Variants in GRID1 observed in about 807,000 individuals in gnomAD.
The protein encoded by GRID1 is glutamate ionotropic receptor delta type subunit 1.
A neutral mutation model predicts 98.0 loss-of-function variants in GRID1; 28 were observed. The ratio of observed to expected loss-of-function variants is 0.29; its 90% CI spans 0.21 to 0.39. GRID1 has a LOEUF of 0.39. Among genes scored for constraint, GRID1 ranks in the 10% least tolerant of loss-of-function variants. GRID1 has a pLI of 1.00. For missense variants in GRID1, 1,111 were observed against 1,340.5 expected (o/e 0.83, Z 2.67); for synonymous variants, 553 against 538.5 (o/e 1.03, Z -0.37).
chr10:85,759,886 A>G (rs1842131568), intron 8 of GRID1, among the ~76,000 whole-genome samples: 2 of 152,214 alleles, frequency 1.3e-5, no homozygotes, highest in African/African-American at 4.8e-5. Context: ...TAATACAGCA[A>G]AAGTATCTTC....
intron 4 of GRID1, among the ~76,000 whole-genome samples, chr10:86,044,708 A>G (rs1843397042): frequency 6.6e-6 from 1 of 152,202 alleles, no homozygotes; most frequent in Admixed American, 6.5e-5. Context: ...GAAGAGAGCA[A>G]CATGAGTGAT....
In GRID1 at chr10:86,262,955, A is replaced by G. The variant is rs550633751; in HGVS notation, c.236-56307T>C. On this transcript the variant is annotated intron_variant, in intron 2 of 15. Coordinates refer to ENST00000327946, the MANE Select transcript of GRID1 (RefSeq NM_017551.3). ...CCCGCCCTCCCTCCCCCGAGAGCATAGGCTGCGTTTGTGGGAAACCAGGGC... is the reference window on the plus strand; with the variant it reads ...CCCGCCCTCCCTCCCCCGAGAGCATGGGCTGCGTTTGTGGGAAACCAGGGC... 4.0e-5 allele frequency among the ~76,000 whole-genome samples: 6 copies of G among 149,520 alleles called. No individual in the cohort carries two copies. In the South Asian group the frequency reaches 1.3e-3, roughly 32 times the overall value.
intron 13 of GRID1, among the ~76,000 whole-genome samples, chr10:85,623,269 G>T (rs1216468889): frequency 6.6e-6 from 1 of 152,132 alleles, no homozygotes; most frequent in South Asian, 2.1e-4. Flanking sequence ...GAGACATAAG[G>T]CTTCTTAGGT....
At chr10:86,193,006 G>A (rs1253212725) in intron 3 of GRID1, among the ~76,000 whole-genome samples, 4 of 152,072 alleles carry the variant, frequency 2.6e-5, no homozygotes, top group African/African-American at 7.2e-5. Flanking sequence ...GAAGACAGAA[G>A]AGAAGGTGAG....
chr10:86,267,711 A>T (rs1847125886), intron 2 of GRID1, among the ~76,000 whole-genome samples: 1 of 152,158 alleles, frequency 6.6e-6, no homozygotes, highest in Non-Finnish European at 1.5e-5. Context: ...CATCCCACCC[A>T]CAATGAAGAA....
chr10:86,118,756 T>C (rs569697463), intron 4 of GRID1, among the ~76,000 whole-genome samples: 166 of 152,340 alleles, frequency 1.1e-3, no homozygotes, highest in African/African-American at 3.8e-3. Flanking sequence ...GTAAGTACCC[T>C]TGACATGGTG....
chr10:85,777,092 C>T (rs574064393), intron 8 of GRID1, among the ~76,000 whole-genome samples: 1 of 152,318 alleles, frequency 6.6e-6, no homozygotes, highest in Admixed American at 6.5e-5. Context: ...AAACCTCCAC[C>T]TTCCTCTCTA....
intron 3 of GRID1, among the ~76,000 whole-genome samples, chr10:86,177,215 T>G (rs1281237829): frequency 6.6e-6 from 1 of 152,008 alleles, no homozygotes; most frequent in African/African-American, 2.4e-5. Flanking sequence ...TCCTGAGAAC[T>G]TACTTGCCTT....
At chr10:86,301,473 C>T (rs1283338489) in intron 2 of GRID1, among the ~76,000 whole-genome samples, 1 of 152,260 alleles carries the variant, frequency 6.6e-6, no homozygotes, top group Non-Finnish European at 1.5e-5. Flanking sequence ...ATGTGCTTTT[C>T]TCTCCATCTC....
In GRID1 at chr10:85,717,991, T is replaced by A. The variant is rs183891911; in HGVS notation, c.1997+5012A>T. ...AAGACACACTGATGCAAAAGGTTGG[T>A]TTCCATGGTCTTGGGCAACTCCGCC... is the stretch of plus-strand genomic sequence containing the variant. On this transcript the variant is annotated intron_variant, in intron 12 of 15. Coordinates refer to ENST00000327946, the MANE Select transcript of GRID1 (RefSeq NM_017551.3). Among the ~76,000 whole-genome samples the A allele has an allele frequency of 3.9e-5, 6 of 152,318 alleles. No individual in the cohort carries two copies. The East Asian group carries it at 1.2e-3, about 29-fold the overall frequency.
chr10:86,243,487 A>G (rs940226412), intron 2 of GRID1, among the ~76,000 whole-genome samples: 2 of 152,146 alleles, frequency 1.3e-5, no homozygotes, highest in African/African-American at 4.8e-5. Context: ...AGCTCCTCAT[A>G]ACCACCCTGT....
chr10:86,362,948 A>T (rs1277978930), intron 2 of GRID1, among the ~76,000 whole-genome samples: 1 of 152,194 alleles, frequency 6.6e-6, no homozygotes, highest in African/African-American at 2.4e-5. Flanking sequence ...TGCGCCACTA[A>T]CTTGCCCCAG....
chr10:86,007,714 AC>A (rs1842879426), intron 4 of GRID1, among the ~76,000 whole-genome samples: 2 of 152,124 alleles, frequency 1.3e-5, no homozygotes, highest in African/African-American at 4.8e-5. Flanking sequence ...GGGCTCCAAC[AC>A]CCCTCTGGCC....
intron 13 of GRID1, among the ~76,000 whole-genome samples, chr10:85,632,014 C>CAA (rs56099800): frequency 6.7e-6 from 1 of 149,336 alleles, no homozygotes; most frequent in African/African-American, 2.5e-5. Flanking sequence ...CACACACACA[C>CAA]AAGAATGTAA....
chr10:85,958,971 AAG>A (rs535878667), intron 4 of GRID1, among the ~76,000 whole-genome samples: 6,941 of 146,550 alleles, frequency 0.047, 177 homozygotes, highest in Middle Eastern at 0.096. Flanking sequence ...AAAAAAAAAA[AAG>A]AAAGAAAGAA....
rs146061271 is a variant in GRID1, at chr10:85,746,331, T to C, written c.1234-16717A>G. ...TCCATTCGAGAGGGGTGTGAACCAT[T>C]ATAGCCATCAGAAGCAGGATAGCAG... On this transcript the variant is annotated intron_variant, in intron 8 of 15. Transcript: ENST00000327946. Among the ~76,000 whole-genome samples the C allele has an allele frequency of 3.3e-5, 5 of 152,232 alleles. No homozygotes were observed. The East Asian group carries it at 9.7e-4, about 29-fold the overall frequency.
At chr10:85,989,202 C>T (rs1283779493) in intron 4 of GRID1, among the ~76,000 whole-genome samples, 1 of 152,110 alleles carries the variant, frequency 6.6e-6, no homozygotes, top group East Asian at 1.9e-4. Context: ...GAGTCATTGG[C>T]TTTGGACAGG....
At chr10:86,085,073 A>T (rs539344131) in intron 4 of GRID1, among the ~76,000 whole-genome samples, 16 of 152,236 alleles carry the variant, frequency 1.1e-4, no homozygotes, top group Non-Finnish European at 1.8e-4. Flanking sequence ...AAATAAAGAA[A>T]GAAGAGGAGT....
rs1042366404 is a variant in GRID1, at chr10:85,959,454, G to C, written c.727-43215C>G. Among the ~76,000 whole-genome samples the C allele has an allele frequency of 2.0e-5, 3 of 152,304 alleles. No individual in the cohort carries two copies. The South Asian group carries it at 6.2e-4, about 32-fold the overall frequency. ...AATGAGTTGGCAAGGACATCCACCTGTGCACCCACCTGCTGATCCTGATGG... is the reference window on the plus strand; with the variant it reads ...AATGAGTTGGCAAGGACATCCACCTCTGCACCCACCTGCTGATCCTGATGG... On this transcript the variant is annotated intron_variant, in intron 4 of 15. Transcript: ENST00000327946.
Sources: gnomAD v4.1 joint callset for allele counts (sites outside exome capture counted in the v4.1 genomes callset) on GRCh38, gnomAD v4.1.1 for gene constraint, MANE v1.5 for transcripts, NCBI Gene and HGNC (gene_info 2026-07-23, HGNC 2026-07-21) for gene names.